Variants in MAST4 observed in about 807,000 individuals in gnomAD.
The protein encoded by MAST4 is microtubule-associated serine/threonine-protein kinase 4.
In MAST4, 89 loss-of-function variants were observed where a neutral mutation model predicts 162.7. The ratio of observed to expected loss-of-function variants is 0.55; its 90% CI spans 0.46 to 0.65. The LOEUF is 0.65. Ranked by LOEUF, MAST4 falls within the 30% of genes least tolerant of loss-of-function variation. MAST4 has a pLI of 0.00. For missense variants in MAST4, 3,153 were observed against 3,374.0 expected (o/e 0.93, Z 1.62); for synonymous variants, 1,479 against 1,361.1 (o/e 1.09, Z -1.91).
intron 21 of MAST4, among the ~76,000 whole-genome samples, chr5:67,143,510 C>A (rs1320645573): frequency 6.6e-6 from 1 of 152,188 alleles, no homozygotes; most frequent in Non-Finnish European, 1.5e-5. Flanking sequence ...CCCTACCTCC[C>A]TTTTGCTATT....
intron 1 of MAST4, among the ~76,000 whole-genome samples, chr5:66,710,716 T>C (rs1750442445): frequency 1.3e-5 from 2 of 152,224 alleles, no homozygotes; most frequent in South Asian, 4.1e-4. Flanking sequence ...GTCTGGGTTG[T>C]CAGTGGTCTT....
chr5:67,095,974 C>G (rs1299821357), intron 7 of MAST4, among the ~76,000 whole-genome samples: 1 of 151,580 alleles, frequency 6.6e-6, no homozygotes, highest in Non-Finnish European at 1.5e-5. Context: ...AAAACACAAT[C>G]TAGTTTTATT....
chr5:66,874,178 T>C (rs1463536195), intron 3 of MAST4, among the ~76,000 whole-genome samples: 1 of 152,196 alleles, frequency 6.6e-6, no homozygotes. Context: ...TTTGAGAATA[T>C]GCTCACCTGT....
chr5:67,044,837 G>A (rs1031660562), intron 4 of MAST4, among the ~76,000 whole-genome samples: 2 of 152,122 alleles, frequency 1.3e-5, no homozygotes, highest in South Asian at 2.1e-4. Flanking sequence ...ACTTGACTTC[G>A]ATCATTGTGT....
intron 1 of MAST4, among the ~76,000 whole-genome samples, chr5:66,645,106 G>T (rs1245455783): frequency 6.6e-6 from 1 of 152,066 alleles, no homozygotes; most frequent in Non-Finnish European, 1.5e-5. Flanking sequence ...ATGGGAAGGG[G>T]AGACACTGGG....
At chr5:66,677,747 A>G (rs1434316071) in intron 1 of MAST4, among the ~76,000 whole-genome samples, 2 of 152,186 alleles carry the variant, frequency 1.3e-5, no homozygotes, top group Non-Finnish European at 2.9e-5. Context: ...AGGCACACTT[A>G]AATGGCAGGG....
chr5:67,145,453 G>A, intron 23 of MAST4, 74 bp downstream of exon 23: 2 of 1,258,584 alleles, frequency 1.6e-6, no homozygotes, highest in Non-Finnish European at 2.2e-6. Context: ...TCCCAGGGCG[G>A]GCCTCGCCAG....
chr5:66,814,381 C>T (rs936367127), intron 3 of MAST4, among the ~76,000 whole-genome samples: 21 of 152,162 alleles, frequency 1.4e-4, no homozygotes, highest in African/African-American at 5.1e-4. Flanking sequence ...CTTTTTTTAC[C>T]TTTGGCTACC....
At chr5:67,102,635 CT>C in intron 9 of MAST4, 24 bp downstream of exon 9, 1 of 1,569,510 alleles carries the variant, frequency 6.4e-7, no homozygotes, top group African/African-American at 1.3e-5. Flanking sequence ...TTGAAGATGC[CT>C]AGCATCTAAA....
chr5:67,049,008 C>CGT (rs1757726979), intron 4 of MAST4, among the ~76,000 whole-genome samples: 1 of 104,524 alleles, frequency 9.6e-6, no homozygotes, highest in African/African-American at 4.1e-5. Context: ...TATACACACA[C>CGT]ATATATATAT....
chr5:67,001,013 A>G (rs1751233205), intron 4 of MAST4, among the ~76,000 whole-genome samples: 1 of 152,178 alleles, frequency 6.6e-6, no homozygotes, highest in East Asian at 1.9e-4. Context: ...AAGCTTGTCC[A>G]TTGTTGTATA....
In MAST4 at chr5:66,733,750, C is replaced by T. The variant is rs747975322; in HGVS notation, c.364-25959C>T. ...CTGGGATTACAGGCATGAGCCACTG[C>T]GCCCAGCCAACTTGTGTTTTTTTTT... is the stretch of plus-strand genomic sequence containing the variant. On this transcript the variant is annotated intron_variant, in intron 1 of 28. Coordinates refer to ENST00000403625, the MANE Select transcript of MAST4 (RefSeq NM_001164664.2). Among the ~76,000 whole-genome samples, 6 of 136,992 alleles carry T rather than the reference C, an allele frequency of 4.4e-5. No individual in the cohort carries two copies. The South Asian group carries it at 1.0e-3, about 24-fold the overall frequency. 89.9% of individuals were successfully genotyped at this position (136,992 alleles called of 152,430 possible).
intron 1 of MAST4, among the ~76,000 whole-genome samples, chr5:66,686,348 T>C (rs1261466527): frequency 6.6e-6 from 1 of 152,178 alleles, no homozygotes; most frequent in African/African-American, 2.4e-5. Flanking sequence ...TATTGTATCA[T>C]TGTGACTGTG....
chr5:66,810,489 A>G (rs995881000), intron 3 of MAST4, among the ~76,000 whole-genome samples: 1 of 152,146 alleles, frequency 6.6e-6, no homozygotes, highest in Non-Finnish European at 1.5e-5. Context: ...GCACACATCT[A>G]CCCATATTCC....
At chr5:67,140,880 A>G (rs1424842099) in intron 19 of MAST4, among the ~76,000 whole-genome samples, 1 of 152,198 alleles carries the variant, frequency 6.6e-6, no homozygotes, top group Non-Finnish European at 1.5e-5. Flanking sequence ...TGGGGTAAAG[A>G]TTCTAATTAA....
intron 4 of MAST4, among the ~76,000 whole-genome samples, chr5:67,037,692 G>A (rs548349492): frequency 6.6e-6 from 1 of 152,124 alleles, no homozygotes; most frequent in Admixed American, 6.6e-5. Flanking sequence ...AGAAGAGAGA[G>A]TAGAAAACTA....
At chr5:67,035,515 C>T (rs1238652698) in intron 4 of MAST4, among the ~76,000 whole-genome samples, 1 of 152,112 alleles carries the variant, frequency 6.6e-6, no homozygotes, top group Non-Finnish European at 1.5e-5. Flanking sequence ...TTGATGTAAC[C>T]TTTATGATGT....
chr5:66,934,137 TTAA>T (rs1742465904), intron 4 of MAST4, among the ~76,000 whole-genome samples: 1 of 152,222 alleles, frequency 6.6e-6, no homozygotes, highest in African/African-American at 2.4e-5. Context: ...ATATTGCATA[TTAA>T]TGATGATACT....
At chr5:66,707,175 C>T (rs1413930782) in intron 1 of MAST4, among the ~76,000 whole-genome samples, 1 of 152,178 alleles carries the variant, frequency 6.6e-6, no homozygotes, top group Non-Finnish European at 1.5e-5. Context: ...TTGGGGAGTC[C>T]TGTCAACTGG....
Sources: allele counts gnomAD v4.1 joint callset (sites outside exome capture counted in the v4.1 genomes callset), GRCh38; gene constraint gnomAD v4.1.1; transcripts MANE v1.5; gene names NCBI Gene and HGNC (gene_info 2026-07-23, HGNC 2026-07-21).